Variants in TENM3 observed in about 807,000 individuals in gnomAD.
The protein encoded by TENM3 is teneurin transmembrane protein 3.
Under a neutral mutation model 255.1 loss-of-function variants are expected in TENM3, and 63 were observed. The ratio of observed to expected loss-of-function variants is 0.25; its 90% CI spans 0.20 to 0.30. TENM3 has a LOEUF of 0.30. TENM3 is among the 10% of genes least tolerant of loss of function. TENM3 has a pLI of 1.00. For synonymous variants in TENM3, 1,306 were observed against 1,322.3 expected (o/e 0.99, Z 0.27); for missense variants, 2,929 against 3,461.1 (o/e 0.85, Z 3.86).
At chr4:181,595,446 A>AAAAAAAAAAAAAAAAAAAAAG in the TENM3 span, among the ~76,000 whole-genome samples, 1 of 145,464 alleles carries the variant, frequency 6.9e-6, no homozygotes. Context: ...AAAAAAAAAA[A>AAAAAAAAAAAAAAAAAAAAAG]AAAAAAAACA....
At chr4:181,619,898 A>G in the TENM3 span, among the ~76,000 whole-genome samples, 1 of 152,212 alleles carries the variant, frequency 6.6e-6, no homozygotes, top group Admixed American at 6.5e-5. Context: ...ATTGTGTGGC[A>G]GTCAGGAAAT....
At chr4:182,231,296 A>G (rs1756561740) in intron 1 of TENM3, among the ~76,000 whole-genome samples, 1 of 152,038 alleles carries the variant, frequency 6.6e-6, no homozygotes, top group Non-Finnish European at 1.5e-5. Context: ...ACCAAAAAGT[A>G]CTGGTCTTGG....
chr4:181,582,270 T>C, the TENM3 span, among the ~76,000 whole-genome samples: 1 of 151,890 alleles, frequency 6.6e-6, no homozygotes, highest in African/African-American at 2.4e-5. Context: ...ATGCTTTGCA[T>C]TGAGAAAAAG....
At chr4:181,634,903 C>T in the TENM3 span, among the ~76,000 whole-genome samples, 9 of 152,040 alleles carry the variant, frequency 5.9e-5, no homozygotes, top group African/African-American at 1.7e-4. Context: ...AAGCATCCTC[C>T]GTATACACTT....
the TENM3 span, among the ~76,000 whole-genome samples, chr4:181,635,878 G>T: frequency 6.6e-6 from 1 of 152,156 alleles, no homozygotes; most frequent in Non-Finnish European, 1.5e-5. Flanking sequence ...CCACAGTCAG[G>T]AATTGAACAG....
At chr4:182,728,528 G>T (rs1760412201) in intron 13 of TENM3, among the ~76,000 whole-genome samples, 1 of 152,146 alleles carries the variant, frequency 6.6e-6, no homozygotes, top group Non-Finnish European at 1.5e-5. Flanking sequence ...ATACTGATGG[G>T]GATATGTTCT....
chr4:182,241,133 G>A (rs967712977), upstream of TENM3, among the ~76,000 whole-genome samples: 1 of 152,100 alleles, frequency 6.6e-6, no homozygotes, highest in Non-Finnish European at 1.5e-5. Flanking sequence ...TTCATTCCTT[G>A]CAGAGTTGGG....
At chr4:181,861,904 T>C in the TENM3 span, among the ~76,000 whole-genome samples, 30 of 152,302 alleles carry the variant, frequency 2.0e-4, 2 homozygotes, top group East Asian at 1.4e-3. Flanking sequence ...GTCAGCAAGA[T>C]AACTCATTTG....
At chr4:181,963,772 T>G in the TENM3 span, among the ~76,000 whole-genome samples, 2 of 152,192 alleles carry the variant, frequency 1.3e-5, no homozygotes, top group African/African-American at 4.8e-5. Context: ...TAAAACTTAA[T>G]GGGTGCTTGT....
At chr4:181,968,025 T>C in the TENM3 span, among the ~76,000 whole-genome samples, 1 of 152,110 alleles carries the variant, frequency 6.6e-6, no homozygotes, top group Non-Finnish European at 1.5e-5. Context: ...GCTCCCAAAT[T>C]CTAGTCCATT....
intron 3 of TENM3, among the ~76,000 whole-genome samples, chr4:182,482,922 C>G (rs1734335117): frequency 6.6e-6 from 1 of 152,086 alleles, no homozygotes; most frequent in South Asian, 2.1e-4. Context: ...ATTTCAGATT[C>G]CTTTTAGATT....
chr4:181,721,447 A>AC, the TENM3 span, among the ~76,000 whole-genome samples: 1 of 147,534 alleles, frequency 6.8e-6, no homozygotes, highest in South Asian at 2.2e-4. Context: ...ATACAAAAAA[A>AC]AAATTAGCCG....
At chr4:181,659,948 C>A in the TENM3 span, among the ~76,000 whole-genome samples, 3 of 152,028 alleles carry the variant, frequency 2.0e-5, no homozygotes, top group Non-Finnish European at 4.4e-5. Flanking sequence ...TTGTTGTCAC[C>A]TCCCATTAGC....
At chr4:181,951,802 C>T in the TENM3 span, among the ~76,000 whole-genome samples, 11 of 152,156 alleles carry the variant, frequency 7.2e-5, no homozygotes, top group Middle Eastern at 3.2e-3. Context: ...CGAGAGAGAA[C>T]AGAATATGTC....
At chr4:181,482,161 G>C in the TENM3 span, among the ~76,000 whole-genome samples, 1 of 151,888 alleles carries the variant, frequency 6.6e-6, no homozygotes, top group Non-Finnish European at 1.5e-5. Flanking sequence ...TATTAATAGG[G>C]TATGTAATGA....
At chr4:182,563,321 T>A (rs956417390) in intron 3 of TENM3, among the ~76,000 whole-genome samples, 1 of 152,052 alleles carries the variant, frequency 6.6e-6, no homozygotes, top group Non-Finnish European at 1.5e-5. Flanking sequence ...TCCCAGCTAC[T>A]TGGGATGCTG....
the TENM3 span, chr4:181,523,033 G>A: frequency 1.6e-6 from 1 of 616,480 alleles, no homozygotes; most frequent in African/African-American, 1.8e-5. Flanking sequence ...TGTAGAAGAA[G>A]GGAAATCGCA....
chr4:182,543,816 G>A (rs530839814), intron 3 of TENM3, among the ~76,000 whole-genome samples: 115 of 151,746 alleles, frequency 7.6e-4, no homozygotes, highest in Admixed American at 1.6e-3. Context: ...ACATACTGTC[G>A]CTATAGGATA....
At chr4:182,517,379 C>CTTTTTTT (rs780908155) in intron 3 of TENM3, among the ~76,000 whole-genome samples, 1 of 89,414 alleles carries the variant, frequency 1.1e-5, no homozygotes, top group Non-Finnish European at 2.1e-5. Context: ...AAAGTTCATT[C>CTTTTTTT]TTTTTTTTTT....
Sources: gnomAD v4.1 joint callset for allele counts (sites outside exome capture counted in the v4.1 genomes callset) on GRCh38, gnomAD v4.1.1 for gene constraint, MANE v1.5 for transcripts, NCBI Gene and HGNC (gene_info 2026-07-23, HGNC 2026-07-21) for gene names.